Variants in SAMMSON observed in about 807,000 individuals in gnomAD.
SAMMSON encodes the protein long intergenic non-protein coding RNA 1212.
chr3:70,069,189 T>G (rs1258950516), intron 3 of SAMMSON: 7 of 152,062 alleles, frequency 4.6e-5, no homozygotes, highest in African/African-American at 1.7e-4. Context: ...AAGAAAAATT[T>G]GGGGCAACAA....
intron 4 of SAMMSON, among the ~76,000 whole-genome samples, chr3:70,202,833 G>A (rs1467002044): frequency 6.6e-6 from 1 of 152,086 alleles, no homozygotes; most frequent in Non-Finnish European, 1.5e-5. Context: ...CTGGGGACTG[G>A]CTAATTAGGA....
intron 7 of SAMMSON, among the ~76,000 whole-genome samples, chr3:70,324,871 C>T (rs74822359): frequency 0.11 from 16,961 of 151,266 alleles, 1,057 homozygotes; most frequent in South Asian, 0.16. Context: ...TCTCTCCATT[C>T]CTTTTCTTTC....
chr3:70,080,967 C>T (rs2067265841), intron 4 of SAMMSON, among the ~76,000 whole-genome samples: 1 of 152,096 alleles, frequency 6.6e-6, no homozygotes, highest in African/African-American at 2.4e-5. Flanking sequence ...TTTTGTAATG[C>T]CTACAAAAGT....
intron 4 of SAMMSON, among the ~76,000 whole-genome samples, chr3:70,092,902 G>GTTTTTTTTTTTTTTTTT (rs5849939): frequency 7.2e-6 from 1 of 138,176 alleles, no homozygotes. Flanking sequence ...TAGTGTTTTT[G>GTTTTTTTTTTTTTTTTT]TTTTTTTTTT....
Position 70,174,229 on chromosome 3 carries a change from G to T in SAMMSON, n.508-74878G>T, listed in dbSNP as rs529405168. Among the ~76,000 whole-genome samples, 5 of 152,046 alleles carry T rather than the reference G, an allele frequency of 3.3e-5. No homozygotes were observed. In the East Asian group the frequency reaches 9.7e-4, roughly 29 times the overall value. On this transcript the variant is annotated intron_variant and non_coding_transcript_variant, in intron 4 of 9. Coordinates refer to ENST00000642114, the Ensembl canonical transcript of SAMMSON. The stretch of plus-strand genomic sequence containing the variant: ...CTACATCTGAGTGTTTATTAAGATG[G>T]TATGAAGCACGGTGAGAACAAAAAT...
At chr3:70,291,652 C>T (rs1434987272) in intron 7 of SAMMSON, among the ~76,000 whole-genome samples, 1 of 152,192 alleles carries the variant, frequency 6.6e-6, no homozygotes, top group East Asian at 1.9e-4. Context: ...TGTGGCTTCA[C>T]TCATAACAGA....
intron 4 of SAMMSON, among the ~76,000 whole-genome samples, chr3:70,099,848 T>C (rs542919828): frequency 2.7e-4 from 41 of 152,308 alleles, no homozygotes; most frequent in African/African-American, 7.9e-4. Context: ...GAGTTTTTGC[T>C]ACCCTGCACC....
At chr3:70,016,654 C>T (rs2066987196) in intron 3 of SAMMSON, among the ~76,000 whole-genome samples, 1 of 152,118 alleles carries the variant, frequency 6.6e-6, no homozygotes, top group African/African-American at 2.4e-5. Flanking sequence ...GACATGAAGT[C>T]CTTGCCCATG....
At position 70,187,532 on chromosome 3, in the gene SAMMSON, G is replaced by T. The variant is rs538196937; in HGVS notation, n.508-61575G>T. ...GACTCACTGCAAGCTCCGCCTCCCG[G>T]GTTCACGCCATTCTCCTGCCTCAGC... On this transcript the variant is annotated intron_variant and non_coding_transcript_variant, in intron 4 of 9. Coordinates refer to ENST00000642114, the Ensembl canonical transcript of SAMMSON. Among the ~76,000 whole-genome samples the T allele has an allele frequency of 5.6e-3, 823 of 146,958 alleles. 4 individuals carry two copies. Among genetic ancestry groups the T allele is most frequent in the Non-Finnish European group, 8.6e-3 (580 of 67,282 alleles).
chr3:70,129,466 G>A (rs1313172251), intron 4 of SAMMSON, among the ~76,000 whole-genome samples: 1 of 152,166 alleles, frequency 6.6e-6, no homozygotes, highest in Non-Finnish European at 1.5e-5. Context: ...ATGTGTGATA[G>A]TATATGTTTG....
At chr3:70,163,676 A>G (rs930255734) in intron 4 of SAMMSON, among the ~76,000 whole-genome samples, 75 of 152,116 alleles carry the variant, frequency 4.9e-4, no homozygotes, top group African/African-American at 1.6e-3. Context: ...AATATTAGCC[A>G]GGCAGTGGCA....
At chr3:70,360,370 G>A (rs1479558937) in intron 9 of SAMMSON, among the ~76,000 whole-genome samples, 2 of 151,828 alleles carry the variant, frequency 1.3e-5, no homozygotes, top group African/African-American at 4.9e-5. Context: ...ACAATGTTAA[G>A]TGGTTATGGA....
At chr3:70,362,435 C>T (rs1296468645) in intron 9 of SAMMSON, among the ~76,000 whole-genome samples, 7 of 152,010 alleles carry the variant, frequency 4.6e-5, no homozygotes, top group Non-Finnish European at 8.8e-5. Context: ...TGGTGTTCTG[C>T]ATGTATAGAA....
chr3:70,168,806 G>A (rs1489753593), intron 4 of SAMMSON, among the ~76,000 whole-genome samples: 2 of 151,838 alleles, frequency 1.3e-5, no homozygotes, highest in Non-Finnish European at 2.9e-5. Flanking sequence ...GTAATTTCTT[G>A]TACTATTCTA....
At chr3:70,403,696 A>T (rs965706640) in intron 2 of SAMMSON, among the ~76,000 whole-genome samples, 1 of 152,192 alleles carries the variant, frequency 6.6e-6, no homozygotes, top group African/African-American at 2.4e-5. Flanking sequence ...AGAGTTCTTC[A>T]TATAAATTGT....
chr3:70,428,789 A>G (rs541685355), intron 2 of SAMMSON, among the ~76,000 whole-genome samples: 4 of 152,140 alleles, frequency 2.6e-5, no homozygotes, highest in Non-Finnish European at 5.9e-5. Context: ...ATTGATTTAT[A>G]TGTCTATCTT....
At chr3:70,369,264 G>T (rs2106744834) in intron 9 of SAMMSON, among the ~76,000 whole-genome samples, 2 of 151,618 alleles carry the variant, frequency 1.3e-5, no homozygotes, top group Middle Eastern at 3.4e-3. Context: ...GAACTGTTTT[G>T]GTGGAATCTT....
rs573388536 is a variant in SAMMSON, at chr3:70,377,521, T to A, written n.914-12053T>A. Among the ~76,000 whole-genome samples, 262 of 152,208 alleles carry A rather than the reference T, an allele frequency of 1.7e-3. 1 individual carries two copies. The highest frequency in any genetic ancestry group is 6.0e-3 in the African/African-American group (251 of 41,572). On this transcript the variant is annotated intron_variant and non_coding_transcript_variant, in intron 9 of 9. Coordinates refer to ENST00000642114, the Ensembl canonical transcript of SAMMSON. ...AGATGGGTAAAAGATTAAATTTTTT[T>A]AATCTAAATAAAACCTGATAAGAGA...
intron 1 of SAMMSON, among the ~76,000 whole-genome samples, chr3:70,010,931 A>C (rs1205920302): frequency 6.6e-6 from 1 of 152,058 alleles, no homozygotes; most frequent in Non-Finnish European, 1.5e-5. Context: ...AACAGCATGC[A>C]GGTGATGCTG....
Sources: gnomAD v4.1 joint callset for allele counts (sites outside exome capture counted in the v4.1 genomes callset) on GRCh38, gnomAD v4.1.1 for gene constraint, MANE v1.5 for transcripts, NCBI Gene and HGNC (gene_info 2026-07-23, HGNC 2026-07-21) for gene names.